The following SCML2 variants were observed in gnomAD, a reference collection of about 807,000 sequenced individuals.
SCML2 encodes Scm polycomb group protein like 2.
SCML2 carries 6 observed loss-of-function variants against 48.4 expected under a neutral mutation model. The observed-to-expected ratio is 0.12, with a 90% CI of 0.07 to 0.24. SCML2 has a LOEUF of 0.24. Among genes scored for constraint, SCML2 ranks in the 10% least tolerant of loss-of-function variants. The pLI is 1.00. For missense variants in SCML2, 377 were observed against 528.2 expected, an observed-to-expected ratio of 0.71 and a Z score of 2.81; for synonymous variants, 181 against 189.5, an observed-to-expected ratio of 0.95 and a Z score of 0.37.
At chrX:18,257,691 T>C (rs1479328055) in intron 10 of SCML2, among the ~76,000 whole-genome samples, 3 of 109,022 alleles carry the variant, frequency 2.8e-5, no homozygotes, top group Non-Finnish European at 5.7e-5. Flanking sequence ...AGTTCACGAC[T>C]AGCCTGGGCA....
At chrX:18,315,388 G>C (rs999155984) in intron 6 of SCML2, among the ~76,000 whole-genome samples, 19 of 111,521 alleles carry the variant, frequency 1.7e-4, no homozygotes, top group Non-Finnish European at 3.4e-4. Flanking sequence ...GTATAACCAG[G>C]AATTTCAAAA....
At chrX:18,250,001 C>A (rs948443971) in intron 11 of SCML2, among the ~76,000 whole-genome samples, 3 of 111,089 alleles carry the variant, frequency 2.7e-5, no homozygotes, top group African/African-American at 9.8e-5. Context: ...CAGAATTAGT[C>A]GAGGAAAAGT....
At chrX:18,294,616 C>T (rs886974500) in intron 7 of SCML2, among the ~76,000 whole-genome samples, 38 of 110,984 alleles carry the variant, frequency 3.4e-4, no homozygotes, top group Admixed American at 3.1e-3. Context: ...AGCCCAACAA[C>T]CCCTACATCT....
intron 6 of SCML2, among the ~76,000 whole-genome samples, chrX:18,315,423 G>A (rs996099769): frequency 9.0e-6 from 1 of 111,612 alleles, no homozygotes; most frequent in Admixed American, 9.5e-5. Context: ...GGAATAACAT[G>A]GTAAGGTTTT....
At chrX:18,347,348 G>C (rs1396486006) in intron 1 of SCML2, among the ~76,000 whole-genome samples, 2 of 108,806 alleles carry the variant, frequency 1.8e-5, no homozygotes, top group Non-Finnish European at 3.8e-5. Context: ...GGCAGGCTGA[G>C]ACAGGAGAAT....
intron 10 of SCML2, among the ~76,000 whole-genome samples, chrX:18,257,807 G>C (rs143996452): frequency 0.026 from 2,725 of 105,127 alleles, 109 homozygotes; most frequent in African/African-American, 0.089. Flanking sequence ...AGAATCGCTT[G>C]AACCTGGGAG....
In SCML2 at chrX:18,258,146, C is replaced by T; in HGVS notation, c.1171G>A (p.Val391Met). ...CAGGCCTGCACAATCCGGCGAAGCACCACATTCACCGGGCCCGGGCCGAAG... is the reference window on the plus strand; with the variant it reads ...CAGGCCTGCACAATCCGGCGAAGCATCACATTCACCGGGCCCGGGCCGAAG... Reference protein sequence around the residue: ...DHFGPGPVNVVLRRIVQACVD... With the variant: ...DHFGPGPVNVMLRRIVQACVD... Residue 391 changes from valine (V) to methionine (M), a missense_variant, in exon 10 of 15, where the codon GTG becomes ATG. Physicochemically the swap from Val to Met is conservative, Grantham distance 21. Transcript: ENST00000251900. 2 of 1,211,593 alleles carry T rather than the reference C, an allele frequency of 1.7e-6. No individual in the cohort carries two copies. Among genetic ancestry groups the T allele is most frequent in the Non-Finnish European group, 2.2e-6 (2 of 895,101 alleles).
chrX:18,314,435 A>T (rs1157674694), intron 6 of SCML2, among the ~76,000 whole-genome samples: 2 of 111,502 alleles, frequency 1.8e-5, no homozygotes, highest in Non-Finnish European at 3.8e-5. Context: ...AGCTTCTATC[A>T]CTACTATTTC....
At chrX:18,277,242 T>C (rs1927678198) in intron 7 of SCML2, among the ~76,000 whole-genome samples, 1 of 110,872 alleles carries the variant, frequency 9.0e-6, no homozygotes, top group Non-Finnish European at 1.9e-5. Context: ...AGCTAACTTT[T>C]TTATTTTTTG....
chrX:18,242,973 ATCTC>A (rs759047738), intron 13 of SCML2, among the ~76,000 whole-genome samples: 24 of 112,474 alleles, frequency 2.1e-4, no homozygotes, highest in African/African-American at 4.8e-4. Flanking sequence ...AGGAATTTCA[ATCTC>A]TCTCTATCTG....
intron 1 of SCML2, among the ~76,000 whole-genome samples, chrX:18,349,340 A>G (rs1022936065): frequency 8.9e-6 from 1 of 112,515 alleles, no homozygotes; most frequent in African/African-American, 3.2e-5. Flanking sequence ...CTTTACTCAC[A>G]GCTTATTCTA....
At position 18,332,842 on chromosome X, in the gene SCML2, G is replaced by A. The variant is rs1489566952; in HGVS notation, c.22+1208C>T. Among the ~76,000 whole-genome samples, 4 of 110,402 alleles carry A rather than the reference G, an allele frequency of 3.6e-5. No individual in the cohort carries two copies. The South Asian group carries it at 1.5e-3, about 43-fold the overall frequency. On this transcript the variant is annotated intron_variant, in intron 2 of 14. Coordinates refer to ENST00000251900, the MANE Select transcript of SCML2 (RefSeq NM_006089.3). ...TTTTTTTAAAAAATTAGCCAGGTGT[G>A]GTGGCACACATCTGCAGCCTCACCT...
At chrX:18,255,124 GATA>G (rs1478408331) in intron 11 of SCML2, among the ~76,000 whole-genome samples, 2 of 111,363 alleles carry the variant, frequency 1.8e-5, no homozygotes, top group African/African-American at 6.5e-5. Context: ...AAAAAAAAAG[GATA>G]ATATCACATG....
intron 6 of SCML2, among the ~76,000 whole-genome samples, chrX:18,318,688 TA>T (rs1422075185): frequency 1.8e-5 from 2 of 112,223 alleles, no homozygotes; most frequent in Non-Finnish European, 3.8e-5. Flanking sequence ...ACTAACACAG[TA>T]AAGTGAGGGG....
intron 7 of SCML2, among the ~76,000 whole-genome samples, chrX:18,284,404 A>T (rs1025756277): frequency 4.5e-5 from 5 of 112,127 alleles, no homozygotes; most frequent in Non-Finnish European, 9.4e-5. Context: ...CGAAATTGAC[A>T]AGTGGGAGCT....
chrX:18,349,722 C>T (rs1230367325), intron 1 of SCML2, among the ~76,000 whole-genome samples: 1 of 110,528 alleles, frequency 9.0e-6, no homozygotes, highest in African/African-American at 3.3e-5. Flanking sequence ...ACTTGAACCT[C>T]GGAGGTGGGG....
rs190465403 is a variant in SCML2, at chrX:18,242,420, G to A, written c.1974+19C>T. The A allele has an allele frequency of 8.6e-7, 1 of 1,169,011 alleles. No individual in the cohort carries two copies. The highest frequency in any genetic ancestry group is 1.1e-6 in the Non-Finnish European group (1 of 879,375). The stretch of plus-strand genomic sequence containing the variant: ...TCAAAGGCATTACGGCAGGAAAACC[G>A]GATCAAAAGATACATTACATGTTGC... On this transcript the variant is annotated intron_variant, in intron 14 of 14. Coordinates refer to ENST00000251900, the MANE Select transcript of SCML2 (RefSeq NM_006089.3).
chrX:18,332,334 T>G (rs187021455), intron 2 of SCML2, among the ~76,000 whole-genome samples: 1 of 112,474 alleles, frequency 8.9e-6, no homozygotes, highest in East Asian at 2.8e-4. Flanking sequence ...TATGAACTCA[T>G]GGATTTAAAC....
chrX:18,343,248 T>C (rs551413230), intron 1 of SCML2, among the ~76,000 whole-genome samples: 45 of 105,559 alleles, frequency 4.3e-4, no homozygotes, highest in African/African-American at 1.6e-3. Context: ...ACCTGAAGAG[T>C]AGTGATCTTC....
Sources: allele counts gnomAD v4.1 joint callset (sites outside exome capture counted in the v4.1 genomes callset), GRCh38; gene constraint gnomAD v4.1.1; transcripts MANE v1.5; gene names NCBI Gene and HGNC (gene_info 2026-07-23, HGNC 2026-07-21).